CATSPER3: variants seen among roughly 807,000 people sequenced by gnomAD.
CATSPER3 encodes the protein cation channel sperm associated 3.
In CATSPER3, 23 loss-of-function variants were observed where a neutral mutation model predicts 36.6. That is an observed-to-expected ratio of 0.63 (90% CI 0.45 to 0.89). The LOEUF is 0.89. Among genes scored for constraint, CATSPER3 ranks in the 40% least tolerant of loss-of-function variants. The pLI is 0.00. For missense variants in CATSPER3, 474 were observed against 503.9 expected (o/e 0.94, Z 0.57); for synonymous variants, 172 against 184.1 (o/e 0.93, Z 0.53).
intron 2 of CATSPER3, among the ~76,000 whole-genome samples, chr5:134,978,467 AACAAAAC>A (rs750426806): frequency 6.7e-6 from 1 of 149,736 alleles, no homozygotes; most frequent in Non-Finnish European, 1.5e-5. Context: ...AACGTTAAAA[AACAAAAC>A]ACAATCTATA....
chr5:134,991,546 G>A (rs1751879323), intron 2 of CATSPER3, among the ~76,000 whole-genome samples: 2 of 152,186 alleles, frequency 1.3e-5, no homozygotes, highest in Admixed American at 6.5e-5. Flanking sequence ...AATGGGGAAA[G>A]AGTAGTAGTC....
intron 3 of CATSPER3, among the ~76,000 whole-genome samples, chr5:134,998,605 C>T (rs1167012864): frequency 1.3e-5 from 2 of 152,070 alleles, no homozygotes; most frequent in South Asian, 4.1e-4. Flanking sequence ...TTTTAATAAT[C>T]GCCATTCTAA....
intron 2 of CATSPER3, among the ~76,000 whole-genome samples, chr5:134,972,731 G>A (rs1037643109): frequency 6.6e-6 from 1 of 152,144 alleles, no homozygotes; most frequent in Non-Finnish European, 1.5e-5. Flanking sequence ...AAATGCTAAA[G>A]TGTATAATCC....
chr5:134,977,055 C>T (rs80159761), intron 2 of CATSPER3, among the ~76,000 whole-genome samples: 2,017 of 152,342 alleles, frequency 0.013, 16 homozygotes, highest in Middle Eastern at 0.037. Flanking sequence ...CTGCCTTGAT[C>T]TCTGAAATGC....
intron 2 of CATSPER3, among the ~76,000 whole-genome samples, chr5:134,980,018 G>A (rs369124655): frequency 7.7e-6 from 1 of 130,168 alleles, no homozygotes. Flanking sequence ...GTCTTACTCT[G>A]TTGTCTGGGC....
At chr5:135,011,294 C>T (rs1048055419) in intron 7 of CATSPER3, among the ~76,000 whole-genome samples, 1 of 152,180 alleles carries the variant, frequency 6.6e-6, no homozygotes, top group African/African-American at 2.4e-5. Flanking sequence ...TCTCTCAGGA[C>T]CTAAGAATTT....
intron 2 of CATSPER3, among the ~76,000 whole-genome samples, chr5:134,990,168 TTTGCCAGGG>T (rs927916156): frequency 4.6e-5 from 7 of 152,196 alleles, no homozygotes; most frequent in African/African-American, 1.7e-4. Context: ...GAAAGTTTAT[TTTGCCAGGG>T]TTGAGGATGC....
rs568466564 is a variant in CATSPER3, at chr5:134,994,694, C to G, written c.253-1579C>G. On this transcript the variant is annotated intron_variant, in intron 2 of 7. Coordinates refer to ENST00000282611, the MANE Select transcript of CATSPER3 (RefSeq NM_178019.3). Reference sequence around the variant, plus strand: ...TGAGATTAAAATTCAAAGTCCTCACCAGGCCTACAAGGCATGACAGTTTGC... The same window carrying G: ...TGAGATTAAAATTCAAAGTCCTCACGAGGCCTACAAGGCATGACAGTTTGC... Among the ~76,000 whole-genome samples the G allele has an allele frequency of 2.6e-5, 4 of 152,298 alleles. No homozygotes were observed. In the South Asian group the frequency reaches 8.3e-4, roughly 32 times the overall value.
chr5:134,994,516 G>A (rs1751919995), intron 2 of CATSPER3, among the ~76,000 whole-genome samples: 1 of 152,218 alleles, frequency 6.6e-6, no homozygotes, highest in Admixed American at 6.5e-5. Context: ...AAGTTAAGAT[G>A]TTCATATCCT....
intron 2 of CATSPER3, among the ~76,000 whole-genome samples, chr5:134,970,951 CT>C (rs1177390638): frequency 4.1e-4 from 63 of 151,960 alleles, no homozygotes; most frequent in African/African-American, 1.4e-3. Flanking sequence ...ACTCCTATCT[CT>C]CTTTTTTTTT....
At chr5:134,979,055 C>G (rs1256748867) in intron 2 of CATSPER3, among the ~76,000 whole-genome samples, 1 of 152,102 alleles carries the variant, frequency 6.6e-6, no homozygotes, top group East Asian at 1.9e-4. Context: ...TTGTCCACTC[C>G]CCTCCCCAGC....
chr5:134,977,081 C>G (rs969117448), intron 2 of CATSPER3, among the ~76,000 whole-genome samples: 16 of 152,166 alleles, frequency 1.1e-4, no homozygotes, highest in African/African-American at 3.9e-4. Flanking sequence ...GGGCCTTTTC[C>G]CCATTGTCTT....
At chr5:134,992,491 G>A (rs757071886) in intron 2 of CATSPER3, among the ~76,000 whole-genome samples, 4 of 152,166 alleles carry the variant, frequency 2.6e-5, no homozygotes, top group Non-Finnish European at 4.4e-5. Context: ...TTGGAAGGCC[G>A]AAGCGGGTGG....
rs560872983 is a variant in CATSPER3, at chr5:134,998,637, T to C, written c.492+2125T>C. Among the ~76,000 whole-genome samples the C allele has an allele frequency of 4.1e-4, 62 of 152,342 alleles. 1 individual carries two copies. The highest frequency in any genetic ancestry group is 4.0e-3 in the Admixed American group (61 of 15,308). ...CTAACTGGTATGAGATGGTATCTCA[T>C]TGTGGTTTTGATTTGCATTTCTCTG... On this transcript the variant is annotated intron_variant, in intron 3 of 7. Coordinates refer to ENST00000282611, the MANE Select transcript of CATSPER3 (RefSeq NM_178019.3).
intron 2 of CATSPER3, among the ~76,000 whole-genome samples, chr5:134,975,722 G>T (rs1238777561): frequency 6.6e-6 from 1 of 152,214 alleles, no homozygotes; most frequent in Non-Finnish European, 1.5e-5. Context: ...CATTATGGAG[G>T]TTCCTCAGAA....
chr5:134,999,267 G>A (rs1751991074), intron 3 of CATSPER3, among the ~76,000 whole-genome samples: 1 of 152,132 alleles, frequency 6.6e-6, no homozygotes, highest in Non-Finnish European at 1.5e-5. Context: ...TGTTCCATTG[G>A]TCTATATCTC....
chr5:134,983,521 G>A (rs547073800), intron 2 of CATSPER3, among the ~76,000 whole-genome samples: 6 of 152,276 alleles, frequency 3.9e-5, no homozygotes, highest in African/African-American at 1.4e-4. Context: ...GTGACAGAGT[G>A]AGACTCTGTC....
intron 2 of CATSPER3, chr5:134,975,440 A>G (rs1427173857): frequency 2.0e-5 from 3 of 152,870 alleles, no homozygotes; most frequent in Non-Finnish European, 4.4e-5. Flanking sequence ...TCTGTGGGGA[A>G]AAACAAACAA....
chr5:135,009,842 G>A (rs572676440), intron 6 of CATSPER3, among the ~76,000 whole-genome samples: 2 of 152,328 alleles, frequency 1.3e-5, no homozygotes, highest in South Asian at 4.2e-4. Flanking sequence ...CCACTGAGTG[G>A]ACGAGGATGC....
Sources: gnomAD v4.1 joint callset for allele counts (sites outside exome capture counted in the v4.1 genomes callset) on GRCh38, gnomAD v4.1.1 for gene constraint, MANE v1.5 for transcripts, NCBI Gene and HGNC (gene_info 2026-07-23, HGNC 2026-07-21) for gene names.